Variants in OR8K3 observed in about 807,000 individuals in gnomAD.
OR8K3 encodes olfactory receptor 8K3.
For synonymous variants in OR8K3, 167 were observed against 138.8 expected, an observed-to-expected ratio of 1.20 and a Z score of -1.43; for missense variants, 448 against 367.4, an observed-to-expected ratio of 1.22 and a Z score of -1.79.
Position 56,319,038 on chromosome 11 carries a change from G to A in OR8K3, c.732G>A (p.Leu244=), listed in dbSNP as rs761333185. ...QKAFSTCGAH[L]TVVIVFYGTL... is the part of the protein sequence containing the mutation. ...CTTTTTCTACCTGTGGAGCCCACCT[G>A]ACAGTGGTCATAGTGTTCTATGGGA... The change falls in exon 3 of 3, where the codon CTG becomes CTA. Residue 244 remains leucine, a synonymous_variant. Transcript: ENST00000641662. 175 of 1,614,004 alleles carry A rather than the reference G, an allele frequency of 1.1e-4. No individual in the cohort carries two copies. Among genetic ancestry groups the A allele is most frequent in the Non-Finnish European group, 1.4e-4 (161 of 1,180,018 alleles).
chr11:56,319,496 A>G lies in OR8K3; in HGVS notation c.*251A>G, dbSNP rs913777386. 5 of 386,562 alleles carry G rather than the reference A, an allele frequency of 1.3e-5. No individual in the cohort carries two copies. Among genetic ancestry groups the G allele is most frequent in the Non-Finnish European group, 2.3e-5 (5 of 214,884 alleles). The allele number at this position is 386,562 out of a possible 1,614,324, so 23.9% of individuals were successfully genotyped here. Reference sequence around the variant, plus strand: ...TAACAGTAGAATGTGCACGATGGATATAGACAAAGAAAAAAGGGAGACAAG... The same window carrying G: ...TAACAGTAGAATGTGCACGATGGATGTAGACAAAGAAAAAAGGGAGACAAG... On this transcript the variant is annotated 3_prime_UTR_variant, in exon 3 of 3. Transcript: ENST00000641662.
In OR8K3 at chr11:56,318,839, A is replaced by G; in HGVS notation, c.533A>G (p.Tyr178Cys). The G allele has an allele frequency of 6.2e-7, 1 of 1,614,088 alleles. No homozygotes were observed. Among genetic ancestry groups the G allele is most frequent in the Non-Finnish European group, 8.5e-7 (1 of 1,179,978 alleles). ...GGCTACAACGTCATTAGTCATTTCTACTGTGACAGTCTCCCTTTGTTACCT... is the reference window on the plus strand; with the variant it reads ...GGCTACAACGTCATTAGTCATTTCTGCTGTGACAGTCTCCCTTTGTTACCT... The part of the protein sequence containing the change: ...FCGYNVISHF[Y>C]CDSLPLLPLL... The change falls in exon 3 of 3, where the codon TAC (tyrosine) becomes TGC (cysteine). Residue 178 changes from tyrosine (Y) to cysteine (C), a missense_variant. By Grantham distance (194) the Tyr-to-Cys change is radical. Transcript: ENST00000641662.
In OR8K3 at chr11:56,318,345, T is replaced by C. The variant is rs764659638; in HGVS notation, c.39T>C (p.Ile13=). ...QHNLTTVNEF[I]LTGITDIAEL... Reference sequence around the variant, plus strand: ...ATCTAACAACGGTGAATGAATTCATTCTTACGGGAATCACAGATATCGCTG... The same window carrying C: ...ATCTAACAACGGTGAATGAATTCATCCTTACGGGAATCACAGATATCGCTG... Residue 13 remains isoleucine, a synonymous_variant, in exon 3 of 3, where the codon ATT becomes ATC. Transcript: ENST00000641662. 6 of 1,613,780 alleles carry C rather than the reference T, an allele frequency of 3.7e-6. No individual in the cohort carries two copies. Among genetic ancestry groups the C allele is most frequent in the Middle Eastern group, 1.6e-4 (1 of 6,084 alleles).
In OR8K3 at chr11:56,319,230, T is replaced by C. The variant is rs374361347; in HGVS notation, c.924T>C (p.Cys308=). Residue 308 remains cysteine (C), a synonymous_variant, in exon 3 of 3, where the codon TGT becomes TGC. Transcript: ENST00000641662. ...TACGAAGGACATGGAATAACTTATG[T>C]AATATTTTTGTTTAAATTTTGTACA... ...YALRRTWNNL[C]NIFV 125 of 1,594,858 alleles carry C rather than the reference T, an allele frequency of 7.8e-5. No individual in the cohort carries two copies. Among genetic ancestry groups the C allele is most frequent in the Non-Finnish European group, 1.0e-4 (121 of 1,164,414 alleles).
chr11:56,317,125 A>G (rs964571319), intron 2 of OR8K3, among the ~76,000 whole-genome samples: 6 of 152,036 alleles, frequency 3.9e-5, no homozygotes, highest in African/African-American at 1.4e-4. Context: ...CTAACAAAGA[A>G]GTTAATTCAT....
In OR8K3 at chr11:56,320,625, TGAG is replaced by T. The variant is rs1394712212; in HGVS notation, c.*1383_*1385del. The T allele has an allele frequency of 6.6e-6, 1 of 152,194 alleles. No homozygotes were observed. The highest frequency in any genetic ancestry group is 2.4e-5 in the African/African-American group (1 of 41,436). 9.4% of individuals were successfully genotyped at this position (152,194 alleles called of 1,614,324 possible). A position where few individuals can be genotyped will look rare whatever the true frequency, so the allele number is the denominator to read the frequency against. On this transcript the variant is annotated 3_prime_UTR_variant, in exon 3 of 3. Transcript: ENST00000641662. ...AAACATTGCATAGCACATTGTCATG[TGAG>T]GATAAATATTACCATATTGTTGCTG...
chr11:56,317,212 CAAG>C (rs1184738847), intron 2 of OR8K3, among the ~76,000 whole-genome samples: 6 of 151,896 alleles, frequency 4.0e-5, no homozygotes, highest in Admixed American at 1.3e-4. Context: ...AAACAAATAA[CAAG>C]AAGAAGAAAA....
chr11:56,318,898 A>G lies in OR8K3; in HGVS notation c.592A>G (p.Ile198Val). 6.2e-7 allele frequency: 1 copy of G among 1,613,898 alleles called. No individual in the cohort carries two copies. The highest frequency in any genetic ancestry group is 1.3e-5 in the African/African-American group (1 of 75,042). ...LCSNTHEIEL[I>V]ILIFAAIDLI... ...TTCAAATACACATGAAATTGAATTGATAATTCTGATCTTTGCAGCTATTGA... is the reference window on the plus strand; with the variant it reads ...TTCAAATACACATGAAATTGAATTGGTAATTCTGATCTTTGCAGCTATTGA... Residue 198 changes from isoleucine (I) to valine (V), a missense_variant, in exon 3 of 3, where the codon ATA becomes GTA. Coordinates refer to ENST00000641662, the MANE Select transcript of OR8K3 (RefSeq NM_001005202.2).
At chr11:56,316,420 T>C (rs1854444051) in intron 2 of OR8K3, among the ~76,000 whole-genome samples, 1 of 112,208 alleles carries the variant, frequency 8.9e-6, no homozygotes, top group South Asian at 3.6e-4. Context: ...CAAAAAACAT[T>C]GGGGCTTACG....
At position 56,318,850 on chromosome 11, in the gene OR8K3, C is replaced by T. The variant is rs746255898; in HGVS notation, c.544C>T (p.Leu182Phe). 5.0e-6 allele frequency: 8 copies of T among 1,613,908 alleles called. No individual in the cohort carries two copies. In the African/African-American group the frequency reaches 9.3e-5, roughly 19 times the overall value. Residue 182 changes from leucine to phenylalanine, a missense_variant, in exon 3 of 3, where the codon CTC becomes TTC. Coordinates refer to ENST00000641662, the MANE Select transcript of OR8K3 (RefSeq NM_001005202.2). ...CATTAGTCATTTCTACTGTGACAGT[C>T]TCCCTTTGTTACCTTTGCTTTGTTC... ...NVISHFYCDS[L>F]PLLPLLCSNT...
At position 56,318,312 on chromosome 11, in the gene OR8K3, A is replaced by G; in HGVS notation, c.6A>G (p.Glu2=). 1 of 1,611,416 alleles carries G rather than the reference A, an allele frequency of 6.2e-7. No individual in the cohort carries two copies. Among genetic ancestry groups the G allele is most frequent in the Non-Finnish European group, 8.5e-7 (1 of 1,177,722 alleles). The change falls in exon 3 of 3, where the codon GAA becomes GAG. Residue 2 remains glutamate, a synonymous_variant. Coordinates refer to ENST00000641662, the MANE Select transcript of OR8K3 (RefSeq NM_001005202.2). M[E]QHNLTTVNEF... ...AGGTTTTCTGATGAACCTGGATGGA[A>G]CAACACAATCTAACAACGGTGAATG...
intron 2 of OR8K3, among the ~76,000 whole-genome samples, chr11:56,316,775 A>T (rs1241598473): frequency 6.6e-6 from 1 of 151,962 alleles, no homozygotes; most frequent in Non-Finnish European, 1.5e-5. Flanking sequence ...TACAAAACCA[A>T]TATGAAGGAC....
At position 56,318,864 on chromosome 11, in the gene OR8K3, T is replaced by C. The variant is rs202045268; in HGVS notation, c.558T>C (p.Pro186=). The change falls in exon 3 of 3, where the codon CCT becomes CCC. Residue 186 remains proline (P), a synonymous_variant. Transcript: ENST00000641662. ...HFYCDSLPLL[P]LLCSNTHEIE... ...ACTGTGACAGTCTCCCTTTGTTACC[T>C]TTGCTTTGTTCAAATACACATGAAA... The C allele has an allele frequency of 7.4e-5, 119 of 1,614,074 alleles. No homozygotes were observed. The highest frequency in any genetic ancestry group is 9.9e-5 in the Non-Finnish European group (117 of 1,179,914).
intron 1 of OR8K3, 73 bp downstream of exon 1, chr11:56,315,240 T>C (rs549978010): frequency 4.6e-5 from 7 of 152,240 alleles, no homozygotes; most frequent in African/African-American, 1.2e-4. Flanking sequence ...TTCAGTGACA[T>C]TGGAAAACTG....
Position 56,319,343 on chromosome 11 carries a change from T to TGTAA in OR8K3, c.*98_*99insGTAA. ...TAACAAGCATAACTGATTCAACATA[T>TGTAA]ATTTACATATGTCTCATACATGATA... On this transcript the variant is annotated 3_prime_UTR_variant, in exon 3 of 3. Coordinates refer to ENST00000641662, the MANE Select transcript of OR8K3 (RefSeq NM_001005202.2). 3 of 644,950 alleles carry TGTAA rather than the reference T, an allele frequency of 4.7e-6. No homozygotes were observed. The highest frequency in any genetic ancestry group is 5.4e-6 in the Non-Finnish European group (2 of 370,154). 40.0% of individuals were successfully genotyped at this position (644,950 alleles called of 1,614,324 possible). A position where few individuals can be genotyped will look rare whatever the true frequency, so the allele number is the denominator to read the frequency against.
chr11:56,318,842 GT>G lies in OR8K3; in HGVS notation c.537del (p.Cys179TrpfsTer19). ...CGYNVISHFYCDSLPLLPLLC... is the reference protein window; with the variant it reads ...CGYNVISHFYXDSLPLLPLLC... ...TACAACGTCATTAGTCATTTCTACT[GT>G]GACAGTCTCCCTTTGTTACCTTTGC... On this transcript the variant is annotated frameshift_variant, in exon 3 of 3. Transcript: ENST00000641662. LOFTEE classifies it low-confidence loss of function (END_TRUNC). 1.2e-6 allele frequency: 2 copies of G among 1,614,064 alleles called. No individual in the cohort carries two copies. Among genetic ancestry groups the G allele is most frequent in the Non-Finnish European group, 1.7e-6 (2 of 1,179,958 alleles).
chr11:56,319,194 A>G lies in OR8K3; in HGVS notation c.888A>G (p.Val296=), dbSNP rs1854492279. 3 of 1,612,360 alleles carry G rather than the reference A, an allele frequency of 1.9e-6. No individual in the cohort carries two copies. Among genetic ancestry groups the G allele is most frequent in the African/African-American group, 2.7e-5 (2 of 74,894 alleles). The change falls in exon 3 of 3, where the codon GTA becomes GTG. Residue 296 remains valine, a synonymous_variant. Transcript: ENST00000641662. ...PLIYSLRNKD[V]KYALRRTWNN... ...TCTATAGTTTACGAAACAAAGATGT[A>G]AAATATGCCCTACGAAGGACATGGA...
chr11:56,315,666 G>A (rs1173359600), intron 1 of OR8K3, among the ~76,000 whole-genome samples: 2 of 151,934 alleles, frequency 1.3e-5, no homozygotes, highest in Non-Finnish European at 2.9e-5. Flanking sequence ...AAATAAATGT[G>A]TAGATATGAT....
Position 56,318,385 on chromosome 11 carries a change from T to C in OR8K3, c.79T>C (p.Leu27=), listed in dbSNP as rs553860442. 3 of 1,613,780 alleles carry C rather than the reference T, an allele frequency of 1.9e-6. No homozygotes were observed. Among genetic ancestry groups the C allele is most frequent in the African/African-American group, 2.7e-5 (2 of 75,012 alleles). The change falls in exon 3 of 3, where the codon TTA becomes CTA. Residue 27 remains leucine, a synonymous_variant. Transcript: ENST00000641662. ...ITDIAELQAP[L]FALFLMIYVI... is the part of the protein sequence containing the mutation. ...AGATATCGCTGAGCTGCAGGCACCA[T>C]TATTTGCATTGTTCCTCATGATCTA...
Sources: allele counts gnomAD v4.1 joint callset (sites outside exome capture counted in the v4.1 genomes callset), GRCh38; gene constraint gnomAD v4.1.1; transcripts MANE v1.5; gene names NCBI Gene and HGNC (gene_info 2026-07-23, HGNC 2026-07-21).